The following KDM2B variants were observed in gnomAD, a reference collection of about 807,000 sequenced individuals.
KDM2B encodes lysine-specific demethylase 2B.
In KDM2B, 26 loss-of-function variants were observed where a neutral mutation model predicts 150.0. The ratio of observed to expected loss-of-function variants is 0.17; its 90% confidence interval spans 0.13 to 0.24. KDM2B has a LOEUF of 0.24. Ranked by LOEUF, KDM2B falls within the 10% of genes least tolerant of loss-of-function variation. KDM2B has a pLI of 1.00. For synonymous variants in KDM2B, 734 were observed against 729.5 expected (o/e 1.01, Z -0.10); for missense variants, 1,265 against 1,816.9 (o/e 0.70, Z 5.52).
chr12:121,442,354 G>T lies in KDM2B; in HGVS notation c.3087C>A (p.Ser1029=), dbSNP rs372105258. Residue 1029 remains serine (S), a synonymous_variant, in exon 19 of 23, where the codon TCC becomes TCA. Transcript: ENST00000377071. The surrounding 1 kb of genome is among the most constrained non-coding windows in gnomAD (Gnocchi z 7.7). ...PPRVISRPPP[S]VSPPKCIQME... is the part of the protein sequence containing the mutation. Reference sequence around the variant, plus strand: ...TCTGGATACACTTGGGCGGGGACACGGAGGGTGGGGGCCGGGAGATGACAC... The same window carrying T: ...TCTGGATACACTTGGGCGGGGACACTGAGGGTGGGGGCCGGGAGATGACAC... 2 of 1,586,364 alleles carry T rather than the reference G, an allele frequency of 1.3e-6. No homozygotes were observed. The highest frequency in any genetic ancestry group is 1.7e-6 in the Non-Finnish European group (2 of 1,163,706).
the KDM2B span, among the ~76,000 whole-genome samples, chr12:121,411,211 A>G: frequency 6.6e-6 from 1 of 152,176 alleles, no homozygotes; most frequent in Non-Finnish European, 1.5e-5. Flanking sequence ...TACAGGTGTG[A>G]GCCACCATTC....
chr12:121,457,644 A>T (rs939184438), intron 12 of KDM2B, among the ~76,000 whole-genome samples: 34 of 151,856 alleles, frequency 2.2e-4, no homozygotes, highest in African/African-American at 7.7e-4. Flanking sequence ...TTCATTTACG[A>T]ACCAGCATCC....
chr12:121,542,322 C>T (rs1888670712), intron 6 of KDM2B, among the ~76,000 whole-genome samples: 1 of 152,142 alleles, frequency 6.6e-6, no homozygotes, highest in Non-Finnish European at 1.5e-5. Context: ...TACATCATTC[C>T]CCCCACTGCA....
chr12:121,461,397 G>C (rs539440860), intron 12 of KDM2B, among the ~76,000 whole-genome samples: 1 of 152,110 alleles, frequency 6.6e-6, no homozygotes, highest in Admixed American at 6.6e-5. Context: ...CTGTATTCTG[G>C]CAACAGTGAG....
chr12:121,442,114 C>T lies in KDM2B; in HGVS notation c.3284+43G>A, dbSNP rs1367697489. The T allele has an allele frequency of 2.6e-6, 4 of 1,553,314 alleles. No homozygotes were observed. ...ACACACCACGGGCCATCCCTGGTGC[C>T]GCCTGAGCCTTAACCTAGAGCCCTA... On this transcript the variant is annotated intron_variant, in intron 19 of 22. Coordinates refer to ENST00000377071, the MANE Select transcript of KDM2B (RefSeq NM_032590.5). The surrounding 1 kb of genome is among the most constrained non-coding windows in gnomAD (Gnocchi z 7.7).
At chr12:121,485,565 T>G (rs1425728335) in intron 12 of KDM2B, among the ~76,000 whole-genome samples, 1 of 151,894 alleles carries the variant, frequency 6.6e-6, no homozygotes, top group African/African-American at 2.4e-5. Flanking sequence ...CCTCACCAAC[T>G]GTCCCAACTT....
intron 13 of KDM2B, among the ~76,000 whole-genome samples, chr12:121,448,228 G>T (rs568441039): frequency 4.7e-5 from 7 of 149,326 alleles, no homozygotes; most frequent in African/African-American, 1.2e-4. Flanking sequence ...ACTGAGGTGG[G>T]AGGACTGCTT....
chr12:121,570,216 A>AT (rs1379861487), intron 4 of KDM2B, among the ~76,000 whole-genome samples: 5 of 151,696 alleles, frequency 3.3e-5, no homozygotes, highest in Non-Finnish European at 7.4e-5. Context: ...TGACCGGCTG[A>AT]TTTTTTTGTA....
chr12:121,447,521 G>A (rs1876472513), intron 13 of KDM2B, among the ~76,000 whole-genome samples: 1 of 151,994 alleles, frequency 6.6e-6, no homozygotes, highest in Non-Finnish European at 1.5e-5. Context: ...AGGATTACAG[G>A]CGTAAACCAC....
chr12:121,559,165 G>T (rs1436929579), intron 4 of KDM2B, among the ~76,000 whole-genome samples: 2 of 152,222 alleles, frequency 1.3e-5, no homozygotes, highest in African/African-American at 4.8e-5. Flanking sequence ...GGGCTGTGGG[G>T]AGCAGCTGGG....
chr12:121,446,479 A>G (rs1876311893), intron 13 of KDM2B, among the ~76,000 whole-genome samples: 1 of 152,260 alleles, frequency 6.6e-6, no homozygotes, highest in East Asian at 1.9e-4. Context: ...CCTAGAGTAC[A>G]CATCCTTTTC....
In KDM2B at chr12:121,480,440, AAG is replaced by A. The variant is rs1338904889; in HGVS notation, c.1734+14137_1734+14138del. On this transcript the variant is annotated intron_variant, in intron 12 of 22. Coordinates refer to ENST00000377071, the MANE Select transcript of KDM2B (RefSeq NM_032590.5). ...ATGTCCTGAGAAAAGTCTGTATTAA[AAG>A]AGAGAATTAAGAACAGGTTCAGGCC... 1.7e-4 allele frequency among the ~76,000 whole-genome samples: 26 copies of A among 152,124 alleles called. No individual in the cohort carries two copies. The East Asian group carries it at 5.0e-3, about 29-fold the overall frequency.
At chr12:121,548,175 G>A (rs1360563727) in intron 6 of KDM2B, among the ~76,000 whole-genome samples, 1 of 152,208 alleles carries the variant, frequency 6.6e-6, no homozygotes, top group Non-Finnish European at 1.5e-5. Context: ...GCTGAGGCAA[G>A]AGAATTGCTT....
chr12:121,409,645 C>T, the KDM2B span: 1 of 152,146 alleles, frequency 6.6e-6, no homozygotes, highest in African/African-American at 2.4e-5. Context: ...GGCCTGGGAC[C>T]CCAGGAATCA....
At chr12:121,416,145 G>C in the KDM2B span, 1 of 1,609,976 alleles carries the variant, frequency 6.2e-7, no homozygotes, top group Non-Finnish European at 8.5e-7. Context: ...TGTGGGATTT[G>C]TGTTCCTTTT....
chr12:121,517,407 C>A (rs563951631), intron 9 of KDM2B, among the ~76,000 whole-genome samples: 2 of 151,878 alleles, frequency 1.3e-5, no homozygotes, highest in Non-Finnish European at 2.9e-5. Flanking sequence ...CTAGGGAACC[C>A]TGGGGTTCCC....
At chr12:121,448,410 C>T (rs1248405613) in intron 13 of KDM2B, among the ~76,000 whole-genome samples, 11 of 148,850 alleles carry the variant, frequency 7.4e-5, no homozygotes, top group East Asian at 2.0e-4. Context: ...ATTTCTAATA[C>T]GGTCAATATT....
At chr12:121,418,986 A>G in the KDM2B span, among the ~76,000 whole-genome samples, 1 of 152,202 alleles carries the variant, frequency 6.6e-6, no homozygotes, top group South Asian at 2.1e-4. Context: ...TACAGGCATG[A>G]GCCAACCGCG....
At chr12:121,503,294 T>G (rs114263820) in intron 11 of KDM2B, among the ~76,000 whole-genome samples, 3,436 of 151,486 alleles carry the variant, frequency 0.023, 142 homozygotes, top group African/African-American at 0.078. Flanking sequence ...GTTTTGTTTT[T>G]TTTTTTTCTT....
Sources: gnomAD v4.1 joint callset for allele counts (sites outside exome capture counted in the v4.1 genomes callset) on GRCh38, gnomAD v4.1.1 for gene constraint, Gnocchi (gnomAD v3.1) non-coding constraint, MANE v1.5 for transcripts, NCBI Gene and HGNC (gene_info 2026-07-23, HGNC 2026-07-21) for gene names.